EPHA6: variants seen among roughly 807,000 people sequenced by gnomAD.
EPHA6 encodes the protein EPH receptor A6.
EPHA6 carries 50 observed loss-of-function variants against 112.0 expected under a neutral mutation model. That is an observed-to-expected ratio of 0.45 (90% CI 0.36 to 0.56). EPHA6 has a LOEUF of 0.56. Among genes scored for constraint, EPHA6 ranks in the 20% least tolerant of loss-of-function variants. EPHA6 has a pLI of 0.00. For synonymous variants in EPHA6, 529 were observed against 490.7 expected (o/e 1.08, Z -1.03); for missense variants, 1,280 against 1,417.4 (o/e 0.90, Z 1.56).
intron 2 of EPHA6, among the ~76,000 whole-genome samples, chr3:96,925,937 A>T (rs907229911): frequency 6.6e-6 from 1 of 152,020 alleles, no homozygotes; most frequent in South Asian, 2.1e-4. Context: ...GGTTTTTCAC[A>T]TCTCTGTCTC....
intron 15 of EPHA6, among the ~76,000 whole-genome samples, chr3:97,732,660 A>G (rs974444453): frequency 1.3e-5 from 2 of 152,066 alleles, no homozygotes; most frequent in Non-Finnish European, 2.9e-5. Context: ...GATCTTGGGC[A>G]GGTTAAACCT....
At chr3:97,171,006 T>C (rs1483246097) in intron 3 of EPHA6, among the ~76,000 whole-genome samples, 1 of 152,078 alleles carries the variant, frequency 6.6e-6, no homozygotes, top group Admixed American at 6.6e-5. Flanking sequence ...ATTCAAAAAA[T>C]GTAACTTGAA....
At chr3:97,395,512 A>G (rs1347149018) in intron 5 of EPHA6, among the ~76,000 whole-genome samples, 1 of 151,780 alleles carries the variant, frequency 6.6e-6, no homozygotes, top group Non-Finnish European at 1.5e-5. Context: ...CTGAGCATAC[A>G]CAGAAAGAAA....
intron 10 of EPHA6, among the ~76,000 whole-genome samples, chr3:97,488,795 T>A (rs2091762403): frequency 6.6e-6 from 1 of 152,232 alleles, no homozygotes; most frequent in African/African-American, 2.4e-5. Flanking sequence ...TTCATTTTCT[T>A]GTGTATTCTT....
chr3:97,564,547 T>C (rs1232620922), intron 11 of EPHA6, among the ~76,000 whole-genome samples: 2 of 152,092 alleles, frequency 1.3e-5, no homozygotes, highest in East Asian at 1.9e-4. Context: ...TTATTAAGGG[T>C]CGACTTTTAA....
chr3:97,344,391 G>A (rs1398567826), intron 5 of EPHA6, among the ~76,000 whole-genome samples: 3 of 152,126 alleles, frequency 2.0e-5, no homozygotes, highest in African/African-American at 7.2e-5. Context: ...TGAGACCTTT[G>A]GGAAGTAAGT....
In EPHA6 at chr3:97,751,666, T is replaced by A. The variant is rs1282922948; in HGVS notation, c.*2965T>A. On this transcript the variant is annotated 3_prime_UTR_variant, in exon 18 of 18. Coordinates refer to ENST00000389672, the MANE Select transcript of EPHA6 (RefSeq NM_001080448.3). ...ACATTTTGAGACTTACTAGTGTAAA[T>A]TTTAGGTAATTAAATCTGTTTAATA... Among the ~76,000 whole-genome samples the A allele has an allele frequency of 6.6e-6, 1 of 152,166 alleles. No individual in the cohort carries two copies. Among genetic ancestry groups the A allele is most frequent in the Non-Finnish European group, 1.5e-5 (1 of 67,990 alleles).
At chr3:97,196,177 C>A (rs1283838608) in intron 3 of EPHA6, among the ~76,000 whole-genome samples, 1 of 146,420 alleles carries the variant, frequency 6.8e-6, no homozygotes, top group South Asian at 2.2e-4. Flanking sequence ...TTTTTTTTTT[C>A]TTTTGTCTCC....
chr3:96,884,538 A>G (rs2037510291), intron 2 of EPHA6, among the ~76,000 whole-genome samples: 1 of 152,146 alleles, frequency 6.6e-6, no homozygotes, highest in South Asian at 2.1e-4. Flanking sequence ...CGCTGTTGGT[A>G]TATGGAAGAG....
chr3:97,512,176 A>T (rs2092376621), intron 10 of EPHA6, among the ~76,000 whole-genome samples: 1 of 152,328 alleles, frequency 6.6e-6, no homozygotes. Context: ...CTAGTAGGAC[A>T]TCTGCCTGTT....
chr3:97,168,182 T>A (rs1167093394), intron 3 of EPHA6, among the ~76,000 whole-genome samples: 2 of 151,428 alleles, frequency 1.3e-5, no homozygotes, highest in African/African-American at 4.9e-5. Flanking sequence ...TATTATAAAA[T>A]AATTAATTTT....
At chr3:96,924,976 C>T (rs955355086) in intron 2 of EPHA6, among the ~76,000 whole-genome samples, 5 of 152,044 alleles carry the variant, frequency 3.3e-5, no homozygotes, top group African/African-American at 1.2e-4. Flanking sequence ...TTGAAACAAC[C>T]TCCTGAAGCC....
chr3:97,730,777 T>C (rs1463852919), intron 15 of EPHA6, among the ~76,000 whole-genome samples: 1 of 152,140 alleles, frequency 6.6e-6, no homozygotes, highest in Non-Finnish European at 1.5e-5. Context: ...ATCTGACAAT[T>C]GGCACTCCAT....
At chr3:97,513,552 G>A (rs1242168176) in intron 10 of EPHA6, among the ~76,000 whole-genome samples, 2 of 152,108 alleles carry the variant, frequency 1.3e-5, no homozygotes, top group African/African-American at 4.8e-5. Context: ...AGGACACTAT[G>A]TTAAGTGAAA....
intron 14 of EPHA6, among the ~76,000 whole-genome samples, chr3:97,640,695 G>A (rs981058006): frequency 1.3e-4 from 20 of 152,024 alleles, no homozygotes; most frequent in Non-Finnish European, 1.8e-4. Flanking sequence ...CAGGAGAACC[G>A]CTTGAACCCA....
chr3:97,702,341 G>A (rs1007982769), intron 14 of EPHA6, among the ~76,000 whole-genome samples: 2 of 152,114 alleles, frequency 1.3e-5, no homozygotes, highest in Non-Finnish European at 1.5e-5. Context: ...CTTATTGAAA[G>A]TTCCCATTTG....
intron 1 of EPHA6, among the ~76,000 whole-genome samples, chr3:96,833,201 C>G (rs2034196195): frequency 6.7e-6 from 1 of 148,440 alleles, no homozygotes; most frequent in African/African-American, 2.5e-5. Context: ...TCTAGTATGA[C>G]TGGTGTCTTT....
intron 7 of EPHA6, among the ~76,000 whole-genome samples, chr3:97,464,948 AT>A (rs1326398216): frequency 6.6e-6 from 1 of 152,124 alleles, no homozygotes; most frequent in Non-Finnish European, 1.5e-5. Flanking sequence ...AATTATTTGT[AT>A]CCTGAAGTTA....
chr3:97,360,376 C>G (rs2084312588), intron 5 of EPHA6, among the ~76,000 whole-genome samples: 1 of 152,194 alleles, frequency 6.6e-6, no homozygotes, highest in Non-Finnish European at 1.5e-5. Flanking sequence ...CTGGTTCTTT[C>G]TACTCCACTA....
Sources: gnomAD v4.1 joint callset for allele counts (sites outside exome capture counted in the v4.1 genomes callset) on GRCh38, gnomAD v4.1.1 for gene constraint, MANE v1.5 for transcripts, NCBI Gene and HGNC (gene_info 2026-07-23, HGNC 2026-07-21) for gene names.